BCKDHB: variants seen among roughly 807,000 people sequenced by gnomAD.
BCKDHB encodes the protein branched chain keto acid dehydrogenase E1 subunit beta, also known as 2-oxoisovalerate dehydrogenase subunit beta, mitochondrial.
Under a neutral mutation model 48.5 loss-of-function variants are expected in BCKDHB, and 41 were observed. The observed-to-expected ratio is 0.85, with a 90% CI of 0.66 to 1.10. The LOEUF is 1.10. BCKDHB is among the 50% of genes least tolerant of loss of function. The pLI, the probability that BCKDHB is intolerant of heterozygous loss-of-function variation, is 0.00. For missense variants in BCKDHB, 496 were observed against 494.2 expected (o/e 1.00, Z -0.03); for synonymous variants, 201 against 174.8 (o/e 1.15, Z -1.18).
At chr6:80,430,979 A>G in the BCKDHB span, among the ~76,000 whole-genome samples, 6 of 151,834 alleles carry the variant, frequency 4.0e-5, no homozygotes, top group Non-Finnish European at 7.4e-5. Context: ...TTCCCTATAC[A>G]CTCTGCTTTA....
chr6:80,209,300 A>G (rs1774813930), intron 8 of BCKDHB, among the ~76,000 whole-genome samples: 1 of 151,912 alleles, frequency 6.6e-6, no homozygotes, highest in South Asian at 2.1e-4. Context: ...TTTACACAGA[A>G]AATCACAGAA....
the BCKDHB span, among the ~76,000 whole-genome samples, chr6:80,373,445 T>G: frequency 6.6e-6 from 1 of 151,762 alleles, no homozygotes; most frequent in Non-Finnish European, 1.5e-5. Context: ...TGTTGTTGTT[T>G]AAATTTCATT....
intron 5 of BCKDHB, among the ~76,000 whole-genome samples, chr6:80,170,739 A>G (rs1772871461): frequency 6.6e-6 from 1 of 152,138 alleles, no homozygotes; most frequent in East Asian, 1.9e-4. Flanking sequence ...GACTATCCAC[A>G]CTTTTGTTTT....
intron 3 of BCKDHB, among the ~76,000 whole-genome samples, chr6:80,163,105 T>G (rs146984415): frequency 6.6e-6 from 1 of 152,018 alleles, no homozygotes; most frequent in East Asian, 1.9e-4. Flanking sequence ...TTATTGTATT[T>G]TTTGTAGAGA....
intron 3 of BCKDHB, among the ~76,000 whole-genome samples, chr6:80,152,600 C>T (rs1049156762): frequency 7.2e-5 from 11 of 152,152 alleles, no homozygotes; most frequent in African/African-American, 1.9e-4. Context: ...AAAGTACAGA[C>T]ATTTTATCTC....
At chr6:80,381,447 A>G in the BCKDHB span, among the ~76,000 whole-genome samples, 1 of 151,984 alleles carries the variant, frequency 6.6e-6, no homozygotes, top group African/African-American at 2.4e-5. Flanking sequence ...ACCTTGCATT[A>G]TTTCTCACTT....
intron 9 of BCKDHB, among the ~76,000 whole-genome samples, chr6:80,327,738 G>A (rs566984662): frequency 6.6e-6 from 1 of 152,194 alleles, no homozygotes; most frequent in East Asian, 1.9e-4. Flanking sequence ...TACCAATATG[G>A]CCAGCTTTTA....
chr6:80,134,747 A>AT (rs1012426605), intron 3 of BCKDHB, among the ~76,000 whole-genome samples: 1 of 150,732 alleles, frequency 6.6e-6, no homozygotes, highest in Non-Finnish European at 1.5e-5. Flanking sequence ...GTTTTATTTT[A>AT]TTTATTTATT....
At chr6:80,232,318 A>T (rs1264025309) in intron 8 of BCKDHB, among the ~76,000 whole-genome samples, 1 of 151,868 alleles carries the variant, frequency 6.6e-6, no homozygotes, top group East Asian at 1.9e-4. Context: ...GGGAAACCAG[A>T]GAGCTAAAAT....
the BCKDHB span, among the ~76,000 whole-genome samples, chr6:80,426,868 A>G: frequency 6.6e-6 from 1 of 152,204 alleles, no homozygotes; most frequent in Admixed American, 6.5e-5. Flanking sequence ...ATCTTGTATA[A>G]CCTATTGATT....
At chr6:80,179,096 C>T (rs1220857029) in intron 6 of BCKDHB, among the ~76,000 whole-genome samples, 1 of 152,106 alleles carries the variant, frequency 6.6e-6, no homozygotes, top group Non-Finnish European at 1.5e-5. Context: ...GATCACAGCT[C>T]ATGGCATCCT....
At chr6:80,158,663 G>A (rs897036988) in intron 3 of BCKDHB, among the ~76,000 whole-genome samples, 45 of 152,098 alleles carry the variant, frequency 3.0e-4, no homozygotes, top group African/African-American at 9.7e-4. Context: ...GTCCCTAGTT[G>A]GGCTGAAATG....
intron 9 of BCKDHB, among the ~76,000 whole-genome samples, chr6:80,307,283 T>C (rs1354177508): frequency 6.6e-6 from 1 of 152,204 alleles, no homozygotes; most frequent in Non-Finnish European, 1.5e-5. Context: ...AGGATGATTA[T>C]AGCTAACATA....
chr6:80,465,014 C>A, the BCKDHB span, among the ~76,000 whole-genome samples: 2 of 152,214 alleles, frequency 1.3e-5, no homozygotes, highest in Non-Finnish European at 2.9e-5. Context: ...GGAAATTGAG[C>A]TGCCCAGGTT....
intron 8 of BCKDHB, among the ~76,000 whole-genome samples, chr6:80,217,321 CT>C (rs1775219924): frequency 6.6e-6 from 1 of 152,120 alleles, no homozygotes. Flanking sequence ...CAAACACGTA[CT>C]TTCTGTGCTT....
At chr6:80,141,863 A>C (rs1016243490) in intron 3 of BCKDHB, among the ~76,000 whole-genome samples, 1 of 152,108 alleles carries the variant, frequency 6.6e-6, no homozygotes. Context: ...TCCACGTAAT[A>C]TGAAAGATGT....
chr6:80,438,730 A>G, the BCKDHB span, among the ~76,000 whole-genome samples: 1,291 of 152,344 alleles, frequency 8.5e-3, 10 homozygotes, highest in Non-Finnish European at 0.014. Context: ...AAAAGCACAC[A>G]TGAACTTTAG....
At chr6:80,343,490 G>T in intron 9 of BCKDHB, 174 bp from the exon 10 acceptor site, 1 of 688,164 alleles carries the variant, frequency 1.5e-6, no homozygotes, top group South Asian at 1.9e-5. Context: ...TAATAAAACT[G>T]GGATCATGCG....
chr6:80,413,672 A>G, the BCKDHB span, among the ~76,000 whole-genome samples: 2 of 152,196 alleles, frequency 1.3e-5, no homozygotes, highest in Non-Finnish European at 2.9e-5. Flanking sequence ...ATGCATATAT[A>G]CTACATTTTC....
Sources: gnomAD v4.1 joint callset for allele counts (sites outside exome capture counted in the v4.1 genomes callset) on GRCh38, gnomAD v4.1.1 for gene constraint, MANE v1.5 for transcripts, NCBI Gene and HGNC (gene_info 2026-07-23, HGNC 2026-07-21) for gene names.